BANF2: variants seen among roughly 807,000 people sequenced by gnomAD.
BANF2 encodes BANF family member 2.
A neutral mutation model predicts 8.0 loss-of-function variants in BANF2; 4 were observed. The observed-to-expected ratio is 0.50, with a 90% CI of 0.25 to 1.14. BANF2 has a LOEUF of 1.14. Among genes scored for constraint, BANF2 ranks in the 50% most tolerant of loss-of-function variants. The probability of loss-of-function intolerance (pLI) is 0.16; values close to 1 mark genes in which losing one functional copy is unlikely to be tolerated. For synonymous variants in BANF2, 50 were observed against 40.6 expected (o/e 1.23, Z -0.88); for missense variants, 96 against 107.5 (o/e 0.89, Z 0.47).
chr20:17,693,700 A>G, exon 1 of BANF2: 1 of 1,551,638 alleles, frequency 6.4e-7, no homozygotes, highest in Non-Finnish European at 8.7e-7. Context: ...TGCTGCGAGG[A>G]ACAAAGGTAA....
intron 1 of BANF2, among the ~76,000 whole-genome samples, chr20:17,707,986 G>C (rs1221309118): frequency 1.4e-5 from 2 of 147,450 alleles, no homozygotes; most frequent in African/African-American, 5.0e-5. Context: ...TGGATCACTT[G>C]AGGTCAGGAG....
chr20:17,698,077 G>A (rs549227662), upstream of BANF2, among the ~76,000 whole-genome samples: 2 of 152,182 alleles, frequency 1.3e-5, no homozygotes, highest in East Asian at 3.9e-4. Context: ...AGTGGTGGTG[G>A]GTGCCTGTAA....
chr20:17,721,554 G>A (rs1208330487), intron 1 of BANF2, among the ~76,000 whole-genome samples: 1 of 152,022 alleles, frequency 6.6e-6, no homozygotes, highest in Non-Finnish European at 1.5e-5. Flanking sequence ...ACTACGCCTG[G>A]CTAATTTTTG....
intron 3 of BANF2, among the ~76,000 whole-genome samples, chr20:17,731,880 C>T (rs1378216623): frequency 6.6e-6 from 1 of 150,446 alleles, no homozygotes; most frequent in African/African-American, 2.4e-5. Context: ...TCCTGGCTAA[C>T]TTGGTGAAAC....
rs139389067 is a variant in BANF2 at position 17,727,517 on chromosome 20, G to T, written c.126+2366G>T. 2.3e-4 allele frequency among the ~76,000 whole-genome samples: 35 copies of T among 152,254 alleles called. No homozygotes were observed. In the East Asian group the frequency reaches 6.2e-3, roughly 27 times the overall value. On this transcript the variant is annotated intron_variant, in intron 3 of 3. Coordinates refer to ENST00000246090, the MANE Select transcript of BANF2 (RefSeq NM_178477.5). ...GGGAGGAGGCTTAGACTAAATTTGG[G>T]GGTGAGAGCCTGTATCAGGGTCTGG... is the stretch of plus-strand genomic sequence containing the variant.
chr20:17,732,209 G>A (rs1030832864), intron 3 of BANF2, among the ~76,000 whole-genome samples: 3 of 152,254 alleles, frequency 2.0e-5, no homozygotes, highest in Non-Finnish European at 4.4e-5. Flanking sequence ...AGATGCAAGG[G>A]AACCCAACCC....
intron 1 of BANF2, among the ~76,000 whole-genome samples, chr20:17,706,234 C>T (rs2037479944): frequency 6.6e-6 from 1 of 152,156 alleles, no homozygotes; most frequent in Non-Finnish European, 1.5e-5. Context: ...GATTGTGGGT[C>T]AGGGCTGGGG....
intron 3 of BANF2, among the ~76,000 whole-genome samples, chr20:17,734,885 G>A (rs1372140393): frequency 1.3e-5 from 2 of 152,128 alleles, no homozygotes; most frequent in African/African-American, 2.4e-5. Context: ...TCAGGAGTTC[G>A]AGACCAGCCT....
rs1369430042 is a variant in BANF2 at position 17,693,865 on chromosome 20, C to T, written c.18+159C>T. Among the ~76,000 whole-genome samples the T allele has an allele frequency of 2.0e-5, 3 of 152,208 alleles. No homozygotes were observed. The East Asian group carries it at 5.8e-4, about 29-fold the overall frequency. ...TCGGAACGTGTCTCTGCAGGCAGCA[C>T]AATGCCCTCCTTATTCCCGCATCTT... On this transcript the variant is annotated intron_variant, in intron 1 of 2. Coordinates refer to the BANF2 transcript ENST00000545418.
At chr20:17,723,481 G>C (rs921463629) in intron 2 of BANF2, among the ~76,000 whole-genome samples, 4 of 152,296 alleles carry the variant, frequency 2.6e-5, no homozygotes, top group Admixed American at 2.6e-4. Flanking sequence ...CTCAACCTAC[G>C]TCTGATCTAC....
At chr20:17,698,497 C>T (rs143697060), upstream of BANF2, among the ~76,000 whole-genome samples, 128 of 152,362 alleles carry the variant, frequency 8.4e-4, no homozygotes, top group African/African-American at 3.0e-3. Context: ...TGTGGGTCCT[C>T]TGGGACATGG....
chr20:17,719,322 G>A (rs1385074783), intron 1 of BANF2, among the ~76,000 whole-genome samples: 1 of 152,016 alleles, frequency 6.6e-6, no homozygotes, highest in South Asian at 2.1e-4. Context: ...AGTAGAGACG[G>A]GGTTTCACCA....
chr20:17,720,104 A>G (rs1452609618), intron 1 of BANF2, among the ~76,000 whole-genome samples: 1 of 152,200 alleles, frequency 6.6e-6, no homozygotes, highest in Non-Finnish European at 1.5e-5. Context: ...AACTCGCCCC[A>G]TGTGAGGCCT....
intron 3 of BANF2, among the ~76,000 whole-genome samples, chr20:17,726,368 G>A (rs962446812): frequency 1.3e-5 from 2 of 151,962 alleles, no homozygotes; most frequent in African/African-American, 2.4e-5. Context: ...TGTGTTTCTT[G>A]TAGAGACAGG....
At chr20:17,694,436 T>C (rs548215346) in intron 1 of BANF2, among the ~76,000 whole-genome samples, 87 of 152,096 alleles carry the variant, frequency 5.7e-4, no homozygotes, top group African/African-American at 2.1e-3. Context: ...TCGACAATCT[T>C]AGGAACTGAG....
At chr20:17,729,373 C>A (rs1345047716) in intron 3 of BANF2, among the ~76,000 whole-genome samples, 1 of 152,234 alleles carries the variant, frequency 6.6e-6, no homozygotes, top group African/African-American at 2.4e-5. Flanking sequence ...TCTGCCACCC[C>A]ACCCAACAGG....
At chr20:17,702,496 G>C (rs997098726) in intron 1 of BANF2, among the ~76,000 whole-genome samples, 9 of 152,356 alleles carry the variant, frequency 5.9e-5, no homozygotes, top group Admixed American at 5.2e-4. Flanking sequence ...ACATCAGGGA[G>C]CCCCAACTGG....
At chr20:17,726,828 G>A (rs915012036) in intron 3 of BANF2, among the ~76,000 whole-genome samples, 6 of 152,136 alleles carry the variant, frequency 3.9e-5, no homozygotes, top group African/African-American at 1.4e-4. Flanking sequence ...TTTTATTAAG[G>A]TATAATTGAC....
intron 1 of BANF2, among the ~76,000 whole-genome samples, chr20:17,708,045 T>TA (rs137884134): frequency 0.51 from 29,446 of 57,836 alleles, 5,483 homozygotes; most frequent in East Asian, 0.63. Context: ...CTACTAAAAA[T>TA]CAAAAAAAAA....
Sources: gnomAD v4.1 joint callset for allele counts (sites outside exome capture counted in the v4.1 genomes callset) on GRCh38, gnomAD v4.1.1 for gene constraint, MANE v1.5 for transcripts, NCBI Gene and HGNC (gene_info 2026-07-23, HGNC 2026-07-21) for gene names.